Variants in VPS13B observed in about 807,000 individuals in gnomAD.
VPS13B encodes intermembrane lipid transfer protein VPS13B.
In VPS13B, 285 loss-of-function variants were observed where a neutral mutation model predicts 426.4. The observed-to-expected ratio is 0.67, with a 90% CI of 0.61 to 0.74. VPS13B has a LOEUF of 0.74. Ranked by LOEUF, VPS13B falls within the 30% of genes least tolerant of loss-of-function variation. The pLI, the probability that VPS13B is intolerant of heterozygous loss-of-function variation, is 0.00. For missense variants in VPS13B, 4,537 were observed against 4,782.6 expected (o/e 0.95, Z 1.51); for synonymous variants, 1,676 against 1,676.4 (o/e 1.00, Z 0.01).
chr8:99,411,872 T>C lies in VPS13B; in HGVS notation c.3083-19665T>C, dbSNP rs565756050. ...TTGTCAAAGATCAGATGGTTGTAGATGTGTGGTGTTATTTCTGCTCTGTTC... is the reference window on the plus strand; with the variant it reads ...TTGTCAAAGATCAGATGGTTGTAGACGTGTGGTGTTATTTCTGCTCTGTTC... On this transcript the variant is annotated intron_variant, in intron 21 of 61. Transcript: ENST00000357162. Among the ~76,000 whole-genome samples the C allele has an allele frequency of 1.1e-3, 172 of 152,284 alleles. 1 individual carries two copies. Among genetic ancestry groups the C allele is most frequent in the Admixed American group, 5.0e-3 (76 of 15,290 alleles).
chr8:99,666,701 C>T (rs1219992661), intron 35 of VPS13B, among the ~76,000 whole-genome samples: 1 of 152,148 alleles, frequency 6.6e-6, no homozygotes, highest in Non-Finnish European at 1.5e-5. Flanking sequence ...CAGCCAATAT[C>T]ATACTGAATG....
rs549614584 is a variant in VPS13B at position 99,378,074 on chromosome 8, G to C, written c.2825-6134G>C. Among the ~76,000 whole-genome samples the C allele has an allele frequency of 4.1e-5, 6 of 145,488 alleles. No homozygotes were observed. In the East Asian group the frequency reaches 1.1e-3, roughly 26 times the overall value. On this transcript the variant is annotated intron_variant, in intron 19 of 61. Coordinates refer to ENST00000357162, the MANE Select transcript of VPS13B (RefSeq NM_152564.5). ...TGGGGGCGCTGCAGGAGGCCAGGAC[G>C]TGTTTCATCCCTTACCTGCAACTGC...
intron 19 of VPS13B, among the ~76,000 whole-genome samples, chr8:99,276,414 G>A (rs551111464): frequency 6.6e-6 from 1 of 152,184 alleles, no homozygotes; most frequent in African/African-American, 2.4e-5. Context: ...CCAAAGTAGG[G>A]TTGTCCCTAT....
At chr8:99,398,162 A>C (rs146557534) in intron 21 of VPS13B, among the ~76,000 whole-genome samples, 4 of 152,332 alleles carry the variant, frequency 2.6e-5, no homozygotes, top group African/African-American at 9.6e-5. Flanking sequence ...TAGACTTGGG[A>C]GTCATCAACA....
At chr8:99,864,501 C>T (rs1309455040) in intron 58 of VPS13B, among the ~76,000 whole-genome samples, 1 of 152,180 alleles carries the variant, frequency 6.6e-6, no homozygotes, top group Non-Finnish European at 1.5e-5. Context: ...CTGCAGTGAG[C>T]TGAGATTACA....
rs1243502603 is a variant in VPS13B, at chr8:99,501,978, CGTCT to C, written c.4042+133_4042+136del. 84 of 1,132,776 alleles carry C rather than the reference CGTCT, an allele frequency of 7.4e-5. No homozygotes were observed. In the Middle Eastern group the frequency reaches 8.3e-4, roughly 11 times the overall value. The allele number at this position is 1,132,776 out of a possible 1,614,324, so 70.2% of individuals were successfully genotyped here. On this transcript the variant is annotated intron_variant, in intron 26 of 61. Transcript: ENST00000357162. ...CTGTCTGTCTGTCTGTCTGTCTTTC[CGTCT>C]GTCTGTCTGTCTTTCCTTTCTGACA...
At chr8:99,449,271 A>G (rs560183433) in intron 23 of VPS13B, among the ~76,000 whole-genome samples, 6 of 152,350 alleles carry the variant, frequency 3.9e-5, no homozygotes, top group Non-Finnish European at 7.4e-5. Flanking sequence ...TTAGATGTCA[A>G]TATACATTAT....
At chr8:99,078,918 G>A (rs574376134) in intron 3 of VPS13B, among the ~76,000 whole-genome samples, 151 of 152,260 alleles carry the variant, frequency 9.9e-4, no homozygotes, top group African/African-American at 2.9e-3. Context: ...CAGTGGCCAT[G>A]GTGGGTGTCT....
intron 21 of VPS13B, 74 bp from the exon 22 acceptor site, chr8:99,431,463 G>C: frequency 6.5e-7 from 1 of 1,550,098 alleles, no homozygotes; most frequent in Non-Finnish European, 8.8e-7. Flanking sequence ...AAACAATCTT[G>C]AAAATACGTT....
chr8:99,411,350 T>G (rs1441351570), intron 21 of VPS13B, among the ~76,000 whole-genome samples: 2 of 152,256 alleles, frequency 1.3e-5, no homozygotes, highest in Non-Finnish European at 2.9e-5. Flanking sequence ...GTAGGCCGCA[T>G]AAATGTCTTC....
intron 17 of VPS13B, among the ~76,000 whole-genome samples, chr8:99,232,882 T>C (rs1816418267): frequency 6.6e-6 from 1 of 152,294 alleles, no homozygotes; most frequent in African/African-American, 2.4e-5. Flanking sequence ...CCTTGGCCCC[T>C]GGGATTCTCA....
chr8:99,755,823 G>T (rs1297986287), intron 39 of VPS13B, among the ~76,000 whole-genome samples: 1 of 151,674 alleles, frequency 6.6e-6, no homozygotes, highest in Non-Finnish European at 1.5e-5. Context: ...GAAGAGGAAG[G>T]ATCTGATTTT....
chr8:99,384,714 G>A (rs1467536484), intron 20 of VPS13B, among the ~76,000 whole-genome samples: 2 of 152,174 alleles, frequency 1.3e-5, no homozygotes, highest in African/African-American at 4.8e-5. Context: ...AGGCTGAAGT[G>A]CAGTGGCGTG....
intron 34 of VPS13B, among the ~76,000 whole-genome samples, chr8:99,643,661 C>G (rs1422380904): frequency 6.6e-6 from 1 of 152,164 alleles, no homozygotes; most frequent in Non-Finnish European, 1.5e-5. Context: ...GACTCAGGAA[C>G]TTTGCAAGAC....
chr8:99,356,685 T>C (rs1812200654), intron 19 of VPS13B, among the ~76,000 whole-genome samples: 1 of 152,200 alleles, frequency 6.6e-6, no homozygotes, highest in Non-Finnish European at 1.5e-5. Context: ...CATTTTTTTT[T>C]GATAAAGTAA....
intron 17 of VPS13B, among the ~76,000 whole-genome samples, chr8:99,202,931 C>A (rs1051060413): frequency 2.6e-5 from 4 of 151,676 alleles, no homozygotes; most frequent in Non-Finnish European, 4.4e-5. Context: ...TTACTCTGGA[C>A]GCTGAGGCAG....
intron 3 of VPS13B, among the ~76,000 whole-genome samples, chr8:99,064,865 C>T (rs6468656): frequency 0.73 from 111,697 of 152,040 alleles, 41,763 homozygotes; most frequent in South Asian, 0.87. Flanking sequence ...AGAGAAAGGT[C>T]GGGTTACCCA....
chr8:99,469,702 A>G (rs1819300137), intron 24 of VPS13B, among the ~76,000 whole-genome samples: 1 of 152,148 alleles, frequency 6.6e-6, no homozygotes, highest in African/African-American at 2.4e-5. Context: ...CCGCAAAAAT[A>G]TATGTTGAAG....
chr8:99,057,622 C>A (rs1324812886), intron 3 of VPS13B, among the ~76,000 whole-genome samples: 1 of 151,932 alleles, frequency 6.6e-6, no homozygotes, highest in African/African-American at 2.4e-5. Context: ...AGGGGTCAGT[C>A]TTTTTTTTCC....
Sources: gnomAD v4.1 joint callset for allele counts (sites outside exome capture counted in the v4.1 genomes callset) on GRCh38, gnomAD v4.1.1 for gene constraint, MANE v1.5 for transcripts, NCBI Gene and HGNC (gene_info 2026-07-23, HGNC 2026-07-21) for gene names.